MYT1L: variants seen among roughly 807,000 people sequenced by gnomAD.
The protein encoded by MYT1L is myelin transcription factor 1-like protein.
MYT1L carries 12 observed loss-of-function variants against 126.7 expected under a neutral mutation model. The ratio of observed to expected loss-of-function variants is 0.09; its 90% CI spans 0.06 to 0.15. MYT1L has a LOEUF of 0.15. MYT1L is among the 10% of genes least tolerant of loss of function. The pLI is 1.00. For missense variants in MYT1L, 979 were observed against 1,585.2 expected, an observed-to-expected ratio of 0.62 and a Z score of 6.49; for synonymous variants, 541 against 604.2, an observed-to-expected ratio of 0.90 and a Z score of 1.53.
In MYT1L at chr2:1,801,615, C is replaced by T; in HGVS notation, c.3276+81G>A. On this transcript the variant is annotated intron_variant, in intron 23 of 24. Transcript: ENST00000647738. This position sits in a 1 kb window ranked among gnomAD's most constrained non-coding sequence, Gnocchi z 4.2. ...CAAATAAGAGGAAACGACAGCTCTC[C>T]TAAAAGCTGATTTCATGCCATGTAT... The T allele has an allele frequency of 2.3e-6, 2 of 871,722 alleles. No homozygotes were observed. The highest frequency in any genetic ancestry group is 3.1e-5 in the South Asian group (2 of 65,400). The allele number at this position is 871,722 out of a possible 1,614,324, so 54.0% of individuals were successfully genotyped here.
chr2:2,100,295 C>T (rs2077911142), intron 3 of MYT1L, among the ~76,000 whole-genome samples: 1 of 152,098 alleles, frequency 6.6e-6, no homozygotes, highest in South Asian at 2.1e-4. Flanking sequence ...TATAATCACC[C>T]TTGGCTCTAG....
chr2:2,087,951 TCACGG>T (rs2076519243), intron 3 of MYT1L, among the ~76,000 whole-genome samples: 1 of 152,236 alleles, frequency 6.6e-6, no homozygotes, highest in Admixed American at 6.5e-5. Context: ...CACTTTGTGA[TCACGG>T]CTGAGTTGGT....
intron 2 of MYT1L, among the ~76,000 whole-genome samples, chr2:2,257,430 C>T (rs150471525): frequency 1.3e-5 from 2 of 152,268 alleles, no homozygotes; most frequent in East Asian, 3.9e-4. Context: ...GTAATCTCAG[C>T]ACTTTGGGAG....
At chr2:2,126,999 A>G (rs1035081171) in intron 3 of MYT1L, among the ~76,000 whole-genome samples, 5 of 152,188 alleles carry the variant, frequency 3.3e-5, no homozygotes, top group Admixed American at 1.3e-4. Context: ...AGCCTACTCA[A>G]TTCTCTGGGT....
At chr2:1,975,932 T>G (rs193126743) in intron 8 of MYT1L, among the ~76,000 whole-genome samples, 69 of 152,142 alleles carry the variant, frequency 4.5e-4, no homozygotes, top group African/African-American at 1.6e-3. Context: ...AAAAGAAAAA[T>G]TGATTTTTTA....
intron 3 of MYT1L, among the ~76,000 whole-genome samples, chr2:2,125,794 A>G (rs1015526825): frequency 2.0e-5 from 3 of 152,232 alleles, no homozygotes; most frequent in African/African-American, 7.2e-5. Context: ...GCTTAAAACC[A>G]TTAATATCAT....
intron 9 of MYT1L, among the ~76,000 whole-genome samples, chr2:1,932,629 AT>A (rs748476603): frequency 6.6e-6 from 1 of 152,206 alleles, no homozygotes; most frequent in Non-Finnish European, 1.5e-5. Context: ...ATGAAGCAAA[AT>A]CAAAAGACAA....
chr2:2,313,300 G>T (rs958287954), intron 1 of MYT1L, among the ~76,000 whole-genome samples: 16 of 152,166 alleles, frequency 1.1e-4, no homozygotes, highest in African/African-American at 3.9e-4. Flanking sequence ...TGCAATCAGC[G>T]GTTCACTGGC....
chr2:2,149,020 T>G (rs2085326611), intron 3 of MYT1L, among the ~76,000 whole-genome samples: 2 of 152,152 alleles, frequency 1.3e-5, no homozygotes, highest in Admixed American at 1.3e-4. Context: ...GAGGCGGCTG[T>G]CACCAAGAGG....
intron 18 of MYT1L, among the ~76,000 whole-genome samples, chr2:1,863,842 C>T (rs972766139): frequency 1.3e-5 from 2 of 152,164 alleles, no homozygotes; most frequent in African/African-American, 4.8e-5. Flanking sequence ...TGTTATAAGG[C>T]AGAAAGAAAT....
At chr2:2,211,856 C>T (rs1178783451) in intron 2 of MYT1L, among the ~76,000 whole-genome samples, 1 of 144,184 alleles carries the variant, frequency 6.9e-6, no homozygotes, top group Non-Finnish European at 1.5e-5. Context: ...GCTTCTAGAA[C>T]ATTATAACAA....
chr2:1,854,717 G>A (rs2043688276), intron 18 of MYT1L, among the ~76,000 whole-genome samples: 1 of 152,274 alleles, frequency 6.6e-6, no homozygotes, highest in Non-Finnish European at 1.5e-5. Context: ...TGGGCGGGTG[G>A]GGCGTTCATC....
chr2:1,973,466 A>C (rs1574122665), intron 8 of MYT1L, among the ~76,000 whole-genome samples: 1 of 152,210 alleles, frequency 6.6e-6, no homozygotes, highest in African/African-American at 2.4e-5. Flanking sequence ...TTTTATATCA[A>C]CATGCAAAGC....
chr2:1,860,528 C>G (rs1473231709), intron 18 of MYT1L, among the ~76,000 whole-genome samples: 1 of 152,174 alleles, frequency 6.6e-6, no homozygotes, highest in African/African-American at 2.4e-5. Context: ...GAGGTACTCA[C>G]CTTGAGTTGA....
intron 9 of MYT1L, among the ~76,000 whole-genome samples, chr2:1,923,923 T>G (rs1296057628): frequency 2.0e-5 from 3 of 152,208 alleles, no homozygotes; most frequent in African/African-American, 7.2e-5. Flanking sequence ...CCATAGTAAA[T>G]GTTTAGACAG....
intron 3 of MYT1L, among the ~76,000 whole-genome samples, chr2:2,156,075 A>G (rs1034855278): frequency 6.6e-6 from 1 of 152,212 alleles, no homozygotes; most frequent in East Asian, 1.9e-4. Flanking sequence ...ATAAATTTTA[A>G]AAAGGTATTA....
intron 19 of MYT1L, chr2:1,842,472 A>C (rs1002312762): frequency 6.6e-6 from 1 of 152,242 alleles, no homozygotes; most frequent in African/African-American, 2.4e-5. Context: ...TCACAGGAAG[A>C]GGAAAGAGGC....
intron 3 of MYT1L, among the ~76,000 whole-genome samples, chr2:2,164,561 G>A (rs1392978930): frequency 6.6e-6 from 1 of 152,064 alleles, no homozygotes; most frequent in Non-Finnish European, 1.5e-5. Context: ...TCATTTTTTG[G>A]TTACTTTCCA....
rs1344389453 is a variant in MYT1L, at chr2:2,120,568, C to T, written c.-304+52304G>A. On this transcript the variant is annotated intron_variant, in intron 3 of 24. Transcript: ENST00000647738. Reference sequence around the variant, plus strand: ...ACCTAAATTATTGTGCCCTGAAGGCCGGCTCTGTACGCTGGTACACTGTGA... The same window carrying T: ...ACCTAAATTATTGTGCCCTGAAGGCTGGCTCTGTACGCTGGTACACTGTGA... Among the ~76,000 whole-genome samples, 11 of 151,902 alleles carry T rather than the reference C, an allele frequency of 7.2e-5. No individual in the cohort carries two copies. The East Asian group carries it at 1.2e-3, about 16-fold the overall frequency.
Sources: allele counts gnomAD v4.1 joint callset (sites outside exome capture counted in the v4.1 genomes callset), GRCh38; gene constraint gnomAD v4.1.1; non-coding constraint Gnocchi (gnomAD v3.1); transcripts MANE v1.5; gene names NCBI Gene and HGNC (gene_info 2026-07-23, HGNC 2026-07-21).